Variants in PTGES3 observed in about 807,000 individuals in gnomAD.
PTGES3 encodes Hsp90 co-chaperone.
PTGES3 carries 5 observed loss-of-function variants against 29.9 expected under a neutral mutation model. The observed-to-expected ratio is 0.17, with a 90% confidence interval of 0.09 to 0.35. PTGES3 has a LOEUF of 0.35. PTGES3 is among the 10% of genes least tolerant of loss of function. PTGES3 has a pLI of 1.00. For missense variants in PTGES3, 128 were observed against 190.0 expected, an observed-to-expected ratio of 0.67 and a Z score of 1.92; for synonymous variants, 49 against 57.8, an observed-to-expected ratio of 0.85 and a Z score of 0.69.
chr12:56,679,684 T>C (rs1001409763), intron 1 of PTGES3, among the ~76,000 whole-genome samples: 2 of 151,912 alleles, frequency 1.3e-5, no homozygotes, highest in Admixed American at 6.6e-5. Flanking sequence ...TTTGTTTTTT[T>C]AGACGGAGTC....
chr12:56,670,605 G>C, intron 4 of PTGES3: 2 of 470,698 alleles, frequency 4.2e-6, no homozygotes, highest in Non-Finnish European at 7.8e-6. Context: ...CCCGCTTCCT[G>C]GGACAACACC....
intron 1 of PTGES3, among the ~76,000 whole-genome samples, chr12:56,674,548 C>T (rs947614986): frequency 6.6e-5 from 10 of 151,870 alleles, no homozygotes; most frequent in Admixed American, 2.6e-4. Flanking sequence ...AAAATTCAGG[C>T]GGGCACAGTG....
chr12:56,674,926 C>CCTGG (rs1473684794), intron 1 of PTGES3, among the ~76,000 whole-genome samples: 1 of 132,926 alleles, frequency 7.5e-6, no homozygotes, highest in African/African-American at 2.8e-5. Flanking sequence ...ATCGCTTGAA[C>CCTGG]CTGGGAAGTG....
At chr12:56,687,932 C>T (rs1952961137) in intron 1 of PTGES3, 66 bp downstream of exon 1, 1 of 1,603,538 alleles carries the variant, frequency 6.2e-7, no homozygotes, top group Non-Finnish European at 8.5e-7. Context: ...GGGCCGCTTC[C>T]AGGGAGCCCC....
chr12:56,685,383 T>C (rs189206866), intron 1 of PTGES3, among the ~76,000 whole-genome samples: 3 of 143,750 alleles, frequency 2.1e-5, no homozygotes, highest in Non-Finnish European at 4.5e-5. Flanking sequence ...GTTTTGAAGG[T>C]AGCATTTTTT....
At chr12:56,673,672 A>G (rs1952097137) in intron 1 of PTGES3, among the ~76,000 whole-genome samples, 2 of 151,334 alleles carry the variant, frequency 1.3e-5, no homozygotes, top group African/African-American at 2.4e-5. Flanking sequence ...AGGCGCCTGT[A>G]ATCTCAGCTA....
Position 56,688,027 on chromosome 12 carries a change from C to CT in PTGES3, c.-29dup. On this transcript the variant is annotated 5_prime_UTR_variant, in exon 1 of 8. Transcript: ENST00000262033. Reference sequence around the variant, plus strand: ...TGAACGGGGCAGGGGGACGGGCGAACTGGTGGGCGGGCCTCTCTGGCGGCG... The same window carrying CT: ...TGAACGGGGCAGGGGGACGGGCGAACTTGGTGGGCGGGCCTCTCTGGCGGCG... The CT allele has an allele frequency of 6.6e-7, 1 of 1,523,782 alleles. No individual in the cohort carries two copies. Among genetic ancestry groups the CT allele is most frequent in the Non-Finnish European group, 8.8e-7 (1 of 1,134,174 alleles). 94.4% of individuals were successfully genotyped at this position (1,523,782 alleles called of 1,614,324 possible).
chr12:56,676,755 G>A (rs1208203576), intron 1 of PTGES3, among the ~76,000 whole-genome samples: 10 of 151,144 alleles, frequency 6.6e-5, no homozygotes, highest in African/African-American at 2.4e-4. Context: ...AAACCCCATC[G>A]CTACTAAAAA....
At position 56,665,387 on chromosome 12, in the gene PTGES3, C is replaced by G. The variant is rs369388617; in HGVS notation, c.439-587G>C. 4 of 880,294 alleles carry G rather than the reference C, an allele frequency of 4.5e-6. No individual in the cohort carries two copies. The African/African-American group carries it at 7.3e-5, about 16-fold the overall frequency. 54.5% of individuals were successfully genotyped at this position (880,294 alleles called of 1,614,324 possible). A position where few individuals can be genotyped will look rare whatever the true frequency, so the allele number is the denominator to read the frequency against. ...CCGGCTCACTGCAACCTCTGCCTCC[C>G]GGGTTCAAGCGATTCTCCTGCCTCA... On this transcript the variant is annotated intron_variant, in intron 6 of 7. Transcript: ENST00000262033.
chr12:56,665,599 C>T (rs1008220135), intron 6 of PTGES3: 8 of 985,420 alleles, frequency 8.1e-6, no homozygotes, highest in Non-Finnish European at 9.6e-6. Context: ...GACATAAAAC[C>T]TATTTAACTT....
Position 56,671,773 on chromosome 12 carries a change from T to A in PTGES3, c.261A>T (p.Pro87=), listed in dbSNP as rs768397782. 1.3e-6 allele frequency: 2 copies of A among 1,563,052 alleles called. No homozygotes were observed. The highest frequency in any genetic ancestry group is 2.7e-5 in the African/African-American group (2 of 72,770). ...CCTTTGCCCTTTCTTTTGTTAACCTTGGCCATGACTGGCCAGATTCTCCTT... is the reference window on the plus strand; with the variant it reads ...CCTTTGCCCTTTCTTTTGTTAACCTAGGCCATGACTGGCCAGATTCTCCTT... ...LRKGESGQSW[P]RLTKERAKLN... is the part of the protein sequence containing the mutation. The change falls in exon 4 of 8, where the codon CCA becomes CCT. Residue 87 remains proline, a synonymous_variant. Transcript: ENST00000262033.
chr12:56,686,150 T>C (rs1489281566), intron 1 of PTGES3, among the ~76,000 whole-genome samples: 3 of 152,130 alleles, frequency 2.0e-5, no homozygotes, highest in Non-Finnish European at 4.4e-5. Context: ...AAATATCTCA[T>C]GTGGCCTCCA....
At chr12:56,678,933 A>G (rs1952395276) in intron 1 of PTGES3, among the ~76,000 whole-genome samples, 2 of 152,138 alleles carry the variant, frequency 1.3e-5, no homozygotes, top group African/African-American at 4.8e-5. Context: ...CCTGGGCAAC[A>G]CTGCGAGACC....
intron 1 of PTGES3, among the ~76,000 whole-genome samples, chr12:56,684,827 C>T (rs537963801): frequency 6.6e-6 from 1 of 152,250 alleles, no homozygotes; most frequent in African/African-American, 2.4e-5. Context: ...AATTATGAGA[C>T]AAACTTTTAT....
At chr12:56,677,594 G>A (rs367543981) in intron 1 of PTGES3, among the ~76,000 whole-genome samples, 1 of 151,942 alleles carries the variant, frequency 6.6e-6, no homozygotes, top group African/African-American at 2.4e-5. Flanking sequence ...TATGGCTTTT[G>A]GATACTATAT....
intron 5 of PTGES3, among the ~76,000 whole-genome samples, chr12:56,668,083 G>T (rs1951854106): frequency 6.6e-6 from 1 of 152,092 alleles, no homozygotes; most frequent in Non-Finnish European, 1.5e-5. Context: ...ACTACATCCT[G>T]GGCAACAAGA....
intron 5 of PTGES3, among the ~76,000 whole-genome samples, chr12:56,667,687 G>A (rs1009975952): frequency 9.9e-5 from 15 of 152,220 alleles, no homozygotes; most frequent in Admixed American, 3.3e-4. Context: ...TGGGGGGAAG[G>A]AAAATGCAGA....
At chr12:56,685,217 C>A (rs1356848492) in intron 1 of PTGES3, among the ~76,000 whole-genome samples, 1 of 152,142 alleles carries the variant, frequency 6.6e-6, no homozygotes, top group African/African-American at 2.4e-5. Flanking sequence ...AACTGACTTA[C>A]AACTTTCATT....
At chr12:56,685,279 G>T (rs528006663) in intron 1 of PTGES3, among the ~76,000 whole-genome samples, 41 of 152,058 alleles carry the variant, frequency 2.7e-4, no homozygotes, top group South Asian at 1.5e-3. Flanking sequence ...TTTACTAAAC[G>T]GCATATATTA....
Sources: allele counts gnomAD v4.1 joint callset (sites outside exome capture counted in the v4.1 genomes callset), GRCh38; gene constraint gnomAD v4.1.1; transcripts MANE v1.5; gene names NCBI Gene and HGNC (gene_info 2026-07-23, HGNC 2026-07-21).